The following NAV2 variants were observed in gnomAD, a reference collection of about 807,000 sequenced individuals.
The protein encoded by NAV2 is neuron navigator 2.
In NAV2, 54 loss-of-function variants were observed where a neutral mutation model predicts 223.2. The ratio of observed to expected loss-of-function variants is 0.24; its 90% CI spans 0.19 to 0.30. The LOEUF (loss-of-function observed/expected upper bound fraction) is 0.30. NAV2 is among the 10% of genes least tolerant of loss of function. NAV2 has a pLI of 1.00. For synonymous variants in NAV2, 1,279 were observed against 1,239.3 expected (o/e 1.03, Z -0.67); for missense variants, 2,806 against 3,147.5 (o/e 0.89, Z 2.60).
At chr11:19,586,994 G>A (rs1403443542) in intron 1 of NAV2, among the ~76,000 whole-genome samples, 1 of 152,272 alleles carries the variant, frequency 6.6e-6, no homozygotes, top group Admixed American at 6.5e-5. Flanking sequence ...TACAGAGGCA[G>A]GCAGGCCTCC....
At chr11:20,091,429 C>T (rs937605280) in intron 27 of NAV2, among the ~76,000 whole-genome samples, 16 of 152,188 alleles carry the variant, frequency 1.1e-4, no homozygotes, top group Admixed American at 9.8e-4. Flanking sequence ...ATTGTTCCCT[C>T]CACTGGGTAT....
intron 4 of NAV2, among the ~76,000 whole-genome samples, chr11:19,872,644 G>A (rs1250207095): frequency 1.3e-5 from 2 of 152,234 alleles, no homozygotes; most frequent in Non-Finnish European, 2.9e-5. Context: ...CCCTTTCCCA[G>A]TCTAAAGCTG....
chr11:19,817,226 A>G (rs888648928), intron 1 of NAV2, among the ~76,000 whole-genome samples: 1 of 152,142 alleles, frequency 6.6e-6, no homozygotes, highest in African/African-American at 2.4e-5. Flanking sequence ...CAAAAACAAA[A>G]CAACAAAACA....
intron 1 of NAV2, among the ~76,000 whole-genome samples, chr11:19,732,315 C>T (rs1934110584): frequency 1.3e-5 from 2 of 152,080 alleles, no homozygotes; most frequent in South Asian, 4.2e-4. Context: ...GGTTTCAGCG[C>T]CATCTCTACT....
chr11:19,709,214 T>C (rs575352834), upstream of NAV2, among the ~76,000 whole-genome samples: 18 of 152,170 alleles, frequency 1.2e-4, no homozygotes, highest in African/African-American at 4.3e-4. Context: ...TATTTTGCTT[T>C]AAATAAGAAA....
At chr11:19,952,382 C>T (rs2047472492) in intron 10 of NAV2, among the ~76,000 whole-genome samples, 2 of 152,240 alleles carry the variant, frequency 1.3e-5, no homozygotes, top group African/African-American at 4.8e-5. Flanking sequence ...TTTAAACCTT[C>T]AGCTGGATTT....
chr11:20,039,368 G>A (rs545742501), intron 12 of NAV2, among the ~76,000 whole-genome samples: 1 of 152,242 alleles, frequency 6.6e-6, no homozygotes, highest in East Asian at 1.9e-4. Context: ...CCTGAGACTG[G>A]ATGGTTCCTC....
chr11:19,411,075 G>A (rs11025125), intron 1 of NAV2, among the ~76,000 whole-genome samples: 3 of 152,208 alleles, frequency 2.0e-5, no homozygotes, highest in East Asian at 1.9e-4. Flanking sequence ...TGGCACACAC[G>A]GGCATGCCAG....
intron 1 of NAV2, among the ~76,000 whole-genome samples, chr11:19,441,372 A>G (rs1365326708): frequency 6.6e-6 from 1 of 152,084 alleles, no homozygotes; most frequent in Non-Finnish European, 1.5e-5. Context: ...TATGTGATCA[A>G]ATCACATTGG....
In NAV2 at chr11:19,619,819, T is replaced by A. The variant is rs558696853; in HGVS notation, c.76-212665T>A. Among the ~76,000 whole-genome samples, 7 of 152,306 alleles carry A rather than the reference T, an allele frequency of 4.6e-5. No homozygotes were observed. The South Asian group carries it at 8.3e-4, about 18-fold the overall frequency. ...GTTGCCATTGCTTTTGGTGTTTTAG[T>A]CATGAAGTCCTTGCCCACGCCTATG... is the stretch of plus-strand genomic sequence containing the variant. On this transcript the variant is annotated intron_variant, in intron 1 of 37. Coordinates refer to the NAV2 transcript ENST00000360655.
At chr11:19,975,864 T>C (rs1180136737) in intron 10 of NAV2, among the ~76,000 whole-genome samples, 1 of 152,242 alleles carries the variant, frequency 6.6e-6, no homozygotes, top group Non-Finnish European at 1.5e-5. Flanking sequence ...CAACTCATGC[T>C]GGATGTGAAT....
intron 2 of NAV2, among the ~76,000 whole-genome samples, chr11:19,834,128 TA>T (rs1438302814): frequency 6.6e-6 from 1 of 152,212 alleles, no homozygotes; most frequent in Non-Finnish European, 1.5e-5. Context: ...CAGGCATCAT[TA>T]GGGGTCGCTG....
rs77573373 is a variant in NAV2 at position 19,914,497 on chromosome 11, T to C, written c.932-18679T>C. Among the ~76,000 whole-genome samples, 377 of 152,316 alleles carry C rather than the reference T, an allele frequency of 2.5e-3. 3 individuals carry two copies. Among genetic ancestry groups the C allele is most frequent in the African/African-American group, 8.4e-3 (349 of 41,570 alleles). ...TTAGGGCCTTGGAGGGGTTATACGA[T>C]TGCAATACAAACCGCTTAAAATTTA... On this transcript the variant is annotated intron_variant, in intron 6 of 37. Transcript: ENST00000349880.
chr11:19,933,656 T>C lies in NAV2; in HGVS notation c.1412T>C (p.Phe471Ser), dbSNP rs199871627. Residue 471 changes from phenylalanine (F) to serine (S), a missense_variant, in exon 7 of 38, where the codon TTT (phenylalanine) becomes TCT (serine). Coordinates refer to ENST00000349880, the MANE Select transcript of NAV2 (RefSeq NM_145117.5). The surrounding 1 kb of genome is among the most constrained non-coding windows in gnomAD (Gnocchi z 4.3). ...CTCAAGGGCATTGCCCAGAGGACTT[T>C]TAGCCGGGCACTGACCAACAAGAAG... Reference protein sequence around the residue: ...IALKGIAQRTFSRALTNKKSS... With the variant: ...IALKGIAQRTSSRALTNKKSS... 5 of 1,614,026 alleles carry C rather than the reference T, an allele frequency of 3.1e-6. No individual in the cohort carries two copies. The highest frequency in any genetic ancestry group is 4.2e-6 in the Non-Finnish European group (5 of 1,180,032).
rs1555153011 is a variant in NAV2, at chr11:19,932,257, A to AAG, written c.932-918_932-917insGA. ...TAAGCAAAAAAAAAAAAAAAAAAAA[A>AAG]AAAGAAAGAAAAGGAAAAAAAAAAA... On this transcript the variant is annotated intron_variant, in intron 6 of 37. Coordinates refer to ENST00000349880, the MANE Select transcript of NAV2 (RefSeq NM_145117.5). Among the ~76,000 whole-genome samples, 202 of 100,010 alleles carry AAG rather than the reference A, an allele frequency of 2.0e-3. 1 individual carries two copies. In the South Asian group the frequency reaches 0.034, roughly 17 times the overall value. 65.6% of individuals were successfully genotyped at this position (100,010 alleles called of 152,430 possible). A position where few individuals can be genotyped will look rare whatever the true frequency, so the allele number is the denominator to read the frequency against.
chr11:20,015,162 C>T (rs2053900579), intron 11 of NAV2, among the ~76,000 whole-genome samples: 1 of 152,042 alleles, frequency 6.6e-6, no homozygotes, highest in Admixed American at 6.5e-5. Context: ...GGTTTTTTTC[C>T]TGTTTTCCTC....
chr11:20,067,151 A>G (rs965018621), intron 20 of NAV2, among the ~76,000 whole-genome samples: 2 of 152,204 alleles, frequency 1.3e-5, no homozygotes, highest in East Asian at 3.9e-4. Flanking sequence ...ACAGGGTCAC[A>G]GGTAATTGGG....
intron 10 of NAV2, among the ~76,000 whole-genome samples, chr11:19,956,650 T>C (rs1160509778): frequency 6.6e-6 from 1 of 152,136 alleles, no homozygotes; most frequent in Non-Finnish European, 1.5e-5. Flanking sequence ...GTGGGGGCGG[T>C]GCAGAGCTTC....
At chr11:19,997,500 A>G (rs1013293072) in intron 11 of NAV2, among the ~76,000 whole-genome samples, 15 of 151,948 alleles carry the variant, frequency 9.9e-5, no homozygotes, top group African/African-American at 3.1e-4. Context: ...AAAAACAACA[A>G]TTTTCATTCA....
Sources: gnomAD v4.1 joint callset for allele counts (sites outside exome capture counted in the v4.1 genomes callset) on GRCh38, gnomAD v4.1.1 for gene constraint, Gnocchi (gnomAD v3.1) non-coding constraint, MANE v1.5 for transcripts, NCBI Gene and HGNC (gene_info 2026-07-23, HGNC 2026-07-21) for gene names.